The following CORO2A variants were observed in gnomAD, a reference collection of about 807,000 sequenced individuals.
The protein encoded by CORO2A is coronin-2A.
CORO2A carries 47 observed loss-of-function variants against 62.4 expected under a neutral mutation model. The ratio of observed to expected loss-of-function variants is 0.75; its 90% CI spans 0.60 to 0.96. CORO2A has a LOEUF of 0.96. Ranked by LOEUF, CORO2A falls within the 40% of genes least tolerant of loss-of-function variation. The probability of loss-of-function intolerance (pLI) is 0.00; values close to 1 mark genes in which losing one functional copy is unlikely to be tolerated. For missense variants in CORO2A, 610 were observed against 684.1 expected, an observed-to-expected ratio of 0.89 and a Z score of 1.21; for synonymous variants, 273 against 268.9, an observed-to-expected ratio of 1.02 and a Z score of -0.15.
intron 10 of CORO2A, among the ~76,000 whole-genome samples, chr9:98,127,618 C>A (rs1827343183): frequency 6.6e-6 from 1 of 152,038 alleles, no homozygotes. Flanking sequence ...TTGAGACCAG[C>A]CTGGCCAACA....
At chr9:98,159,525 C>A (rs752865482) in intron 1 of CORO2A, among the ~76,000 whole-genome samples, 5 of 151,724 alleles carry the variant, frequency 3.3e-5, no homozygotes, top group Non-Finnish European at 7.4e-5. Context: ...GCATCTCCAG[C>A]CCTCTGGCTC....
intron 1 of CORO2A, among the ~76,000 whole-genome samples, chr9:98,189,423 C>T (rs1016400510): frequency 4.6e-5 from 7 of 152,322 alleles, no homozygotes; most frequent in African/African-American, 7.2e-5. Context: ...ACTTCTAAAA[C>T]GATCCAGCTT....
At chr9:98,145,069 G>C (rs957344859) in intron 2 of CORO2A, among the ~76,000 whole-genome samples, 3 of 152,166 alleles carry the variant, frequency 2.0e-5, no homozygotes, top group Non-Finnish European at 4.4e-5. Context: ...ATTTAGGGCA[G>C]AGCATCCTTC....
At chr9:98,154,293 C>G (rs1827769638) in intron 2 of CORO2A, among the ~76,000 whole-genome samples, 1 of 116,634 alleles carries the variant, frequency 8.6e-6, no homozygotes, top group Non-Finnish European at 1.7e-5. Context: ...ACCTGTAAAA[C>G]CATCTAGGCC....
rs147419073 is a variant in CORO2A at position 98,181,695 on chromosome 9, T to C, written c.-1+10864A>G. Among the ~76,000 whole-genome samples the C allele has an allele frequency of 1.4e-4, 22 of 152,254 alleles. No individual in the cohort carries two copies. In the East Asian group the frequency reaches 4.1e-3, roughly 28 times the overall value. ...AGGGCTTTGGCAAGGCTGTTTCTCCTATGCAGCGTGCCTCCCTCCCCACCC... is the reference window on the plus strand; with the variant it reads ...AGGGCTTTGGCAAGGCTGTTTCTCCCATGCAGCGTGCCTCCCTCCCCACCC... On this transcript the variant is annotated intron_variant, in intron 1 of 11. Transcript: ENST00000375077.
chr9:98,141,434 C>A (rs569455042), intron 2 of CORO2A, among the ~76,000 whole-genome samples: 3 of 151,770 alleles, frequency 2.0e-5, no homozygotes, highest in East Asian at 3.9e-4. Flanking sequence ...TCACTGCAAC[C>A]TCCACCTCCC....
At chr9:98,164,987 G>C (rs1341672193) in intron 1 of CORO2A, among the ~76,000 whole-genome samples, 1 of 149,878 alleles carries the variant, frequency 6.7e-6, no homozygotes, top group Non-Finnish European at 1.5e-5. Context: ...TTTTTTTTTT[G>C]AGATAGGGCC....
intron 2 of CORO2A, among the ~76,000 whole-genome samples, chr9:98,155,846 T>G (rs1827796414): frequency 6.6e-6 from 1 of 152,188 alleles, no homozygotes; most frequent in Non-Finnish European, 1.5e-5. Context: ...ATTGTTTTTC[T>G]CATTCCTGAT....
intron 1 of CORO2A, among the ~76,000 whole-genome samples, chr9:98,171,700 G>A (rs573310995): frequency 1.5e-4 from 23 of 152,116 alleles, no homozygotes; most frequent in African/African-American, 3.4e-4. Context: ...GGTGGAAGGC[G>A]CTGTGCTAGG....
chr9:98,129,143 C>A (rs1035863689), intron 8 of CORO2A, among the ~76,000 whole-genome samples: 2 of 152,140 alleles, frequency 1.3e-5, no homozygotes, highest in Non-Finnish European at 2.9e-5. Flanking sequence ...AGGCTAGGCT[C>A]GAATTCCTAG....
chr9:98,172,194 C>A (rs1014093229), intron 1 of CORO2A, among the ~76,000 whole-genome samples: 30 of 150,986 alleles, frequency 2.0e-4, no homozygotes, highest in Non-Finnish European at 5.9e-5. Context: ...AGCCCCACAC[C>A]CCACTTCTGA....
At chr9:98,182,216 G>A (rs16913609) in intron 1 of CORO2A, among the ~76,000 whole-genome samples, 10,083 of 152,208 alleles carry the variant, frequency 0.066, 587 homozygotes, top group African/African-American at 0.15. Flanking sequence ...GTAATCAATC[G>A]TGAACAAAGG....
intron 1 of CORO2A, among the ~76,000 whole-genome samples, chr9:98,178,745 T>G (rs1242435371): frequency 6.6e-6 from 1 of 152,186 alleles, no homozygotes; most frequent in Non-Finnish European, 1.5e-5. Flanking sequence ...TTTGTTCTAT[T>G]TGTTTAGATA....
At chr9:98,133,680 G>T (rs1215629334) in intron 4 of CORO2A, among the ~76,000 whole-genome samples, 1 of 152,150 alleles carries the variant, frequency 6.6e-6, no homozygotes, top group Non-Finnish European at 1.5e-5. Flanking sequence ...CAGCAGCTCT[G>T]CAGACACCCC....
intron 1 of CORO2A, among the ~76,000 whole-genome samples, chr9:98,165,400 G>A (rs1188332485): frequency 6.6e-6 from 1 of 152,158 alleles, no homozygotes; most frequent in Non-Finnish European, 1.5e-5. Flanking sequence ...GAATAATCCA[G>A]GAAGCTTTAT....
chr9:98,179,171 C>T (rs1418923676), intron 1 of CORO2A, among the ~76,000 whole-genome samples: 3 of 152,202 alleles, frequency 2.0e-5, no homozygotes, highest in Non-Finnish European at 2.9e-5. Context: ...GGTAAAGTCT[C>T]GCTGACATCT....
chr9:98,162,556 A>G (rs1827900827), intron 1 of CORO2A, among the ~76,000 whole-genome samples: 1 of 152,188 alleles, frequency 6.6e-6, no homozygotes, highest in Admixed American at 6.5e-5. Flanking sequence ...GGCAGCCGCT[A>G]GCAAGGCCAG....
At chr9:98,128,754 C>T (rs1335702252) in intron 8 of CORO2A, 35 bp from the exon 9 acceptor site, 1 of 1,585,776 alleles carries the variant, frequency 6.3e-7, no homozygotes, top group Non-Finnish European at 8.7e-7. Context: ...GAGGTTCTGG[C>T]TAGGCTGGGG....
chr9:98,165,397 C>G (rs1827945760), intron 1 of CORO2A, among the ~76,000 whole-genome samples: 1 of 152,174 alleles, frequency 6.6e-6, no homozygotes, highest in African/African-American at 2.4e-5. Context: ...GCAGAATAAT[C>G]CAGGAAGCTT....
Sources: allele counts gnomAD v4.1 joint callset (sites outside exome capture counted in the v4.1 genomes callset), GRCh38; gene constraint gnomAD v4.1.1; transcripts MANE v1.5; gene names NCBI Gene and HGNC (gene_info 2026-07-23, HGNC 2026-07-21).